Variants in PVT1 observed in about 807,000 individuals in gnomAD.
The protein encoded by PVT1 is CXCR4/PVT1 fusion.
chr8:127,890,106 A>G (rs893131697), intron 2 of PVT1, among the ~76,000 whole-genome samples: 11 of 152,196 alleles, frequency 7.2e-5, no homozygotes, highest in African/African-American at 2.7e-4. Flanking sequence ...AGTGCAGGAC[A>G]AGGCCTGGAG....
chr8:127,832,640 C>G (rs191327386), intron 2 of PVT1, among the ~76,000 whole-genome samples: 1 of 152,070 alleles, frequency 6.6e-6, no homozygotes, highest in Non-Finnish European at 1.5e-5. Flanking sequence ...GGGCGGATCA[C>G]GAGGTCAGGA....
At chr8:127,975,040 A>T (rs1026482446) in intron 3 of PVT1, among the ~76,000 whole-genome samples, 1 of 152,218 alleles carries the variant, frequency 6.6e-6, no homozygotes, top group African/African-American at 2.4e-5. Flanking sequence ...CATCAAGTGG[A>T]CAAGTCATAT....
intron 4 of PVT1, among the ~76,000 whole-genome samples, chr8:128,003,347 T>G (rs1817207125): frequency 6.9e-6 from 1 of 145,772 alleles, no homozygotes; most frequent in Non-Finnish European, 1.5e-5. Flanking sequence ...CCCTCCCTTC[T>G]CCTCCTTCTC....
intron 4 of PVT1, among the ~76,000 whole-genome samples, chr8:128,038,261 G>T (rs16902580): frequency 2.0e-5 from 3 of 152,112 alleles, no homozygotes; most frequent in African/African-American, 2.4e-5. Context: ...TTGATGGAAG[G>T]TTTCTTTGAG....
intron 3 of PVT1, among the ~76,000 whole-genome samples, chr8:127,956,929 C>CTA (rs1816577287): frequency 6.6e-6 from 1 of 152,026 alleles, no homozygotes; most frequent in Non-Finnish European, 1.5e-5. Flanking sequence ...TGTCATAGGC[C>CTA]TCATTATTAT....
At chr8:128,032,006 G>A (rs910775249) in intron 4 of PVT1, among the ~76,000 whole-genome samples, 4 of 152,170 alleles carry the variant, frequency 2.6e-5, no homozygotes, top group Admixed American at 6.5e-5. Flanking sequence ...CAGCGATGGC[G>A]GTGGTGAAAG....
intron 2 of PVT1, among the ~76,000 whole-genome samples, chr8:127,873,678 G>A (rs1291905609): frequency 6.6e-6 from 1 of 152,200 alleles, no homozygotes; most frequent in East Asian, 1.9e-4. Flanking sequence ...GGTGTACACA[G>A]TATGCAATGG....
chr8:127,972,706 T>C (rs1816778046), intron 3 of PVT1, among the ~76,000 whole-genome samples: 1 of 152,070 alleles, frequency 6.6e-6, no homozygotes, highest in African/African-American at 2.4e-5. Flanking sequence ...GCTATTGCAC[T>C]CTACCCTGGG....
chr8:127,981,881 G>A (rs1056728805), intron 3 of PVT1, among the ~76,000 whole-genome samples: 2 of 152,196 alleles, frequency 1.3e-5, no homozygotes, highest in African/African-American at 4.8e-5. Context: ...AAGGCTGTCT[G>A]ACCACACCTG....
chr8:127,937,580 C>CACACAGAGAGAGAGAGAGAG (rs59006608), intron 3 of PVT1, among the ~76,000 whole-genome samples: 1 of 107,794 alleles, frequency 9.3e-6, no homozygotes, highest in African/African-American at 3.7e-5. Context: ...CACACACACA[C>CACACAGAGAGAGAGAGAGAG]AGAGAGAGAG....
At chr8:128,043,701 G>A (rs896602696) in intron 4 of PVT1, among the ~76,000 whole-genome samples, 1 of 151,698 alleles carries the variant, frequency 6.6e-6, no homozygotes, top group Admixed American at 6.6e-5. Context: ...AGATCTTTGT[G>A]TGTCCGTATG....
At chr8:127,853,985 C>T (rs1815133530) in intron 2 of PVT1, among the ~76,000 whole-genome samples, 1 of 152,126 alleles carries the variant, frequency 6.6e-6, no homozygotes, top group African/African-American at 2.4e-5. Context: ...TTTTCTCTTC[C>T]CGGCTCCTCT....
intron 5 of PVT1, among the ~76,000 whole-genome samples, chr8:128,092,107 C>T (rs1353685369): frequency 6.6e-6 from 1 of 152,104 alleles, no homozygotes. Flanking sequence ...CCCAGCTGAC[C>T]CTCCCAGTGC....
intron 3 of PVT1, among the ~76,000 whole-genome samples, chr8:127,942,980 C>T (rs1271240378): frequency 2.6e-5 from 4 of 152,224 alleles, no homozygotes; most frequent in African/African-American, 9.6e-5. Flanking sequence ...CTCAGGGCCT[C>T]CTCTCCAAGT....
chr8:127,837,422 T>G (rs1405188088), intron 2 of PVT1, among the ~76,000 whole-genome samples: 1 of 151,264 alleles, frequency 6.6e-6, no homozygotes, highest in African/African-American at 2.4e-5. Flanking sequence ...TACCGGAAAT[T>G]AAGGGGAAAT....
intron 4 of PVT1, among the ~76,000 whole-genome samples, chr8:128,032,523 C>T (rs1451324411): frequency 6.6e-6 from 1 of 152,190 alleles, no homozygotes; most frequent in African/African-American, 2.4e-5. Flanking sequence ...CTGGGATATG[C>T]ATATTATATT....
chr8:127,974,376 T>C (rs988103459), intron 3 of PVT1, among the ~76,000 whole-genome samples: 1 of 152,062 alleles, frequency 6.6e-6, no homozygotes, highest in African/African-American at 2.4e-5. Flanking sequence ...ATTGAAGTTT[T>C]CCCAAAAAAA....
intron 4 of PVT1, among the ~76,000 whole-genome samples, chr8:128,021,112 A>G (rs1177256899): frequency 6.6e-6 from 1 of 151,788 alleles, no homozygotes; most frequent in Non-Finnish European, 1.5e-5. Context: ...CCATCCTTCA[A>G]ACTGCCTCCA....
intron 3 of PVT1, among the ~76,000 whole-genome samples, chr8:127,935,073 T>A (rs1212153450): frequency 6.6e-6 from 1 of 152,132 alleles, no homozygotes; most frequent in African/African-American, 2.4e-5. Flanking sequence ...TTCAAGCCAT[T>A]CTCCTGCCTC....
Sources: allele counts gnomAD v4.1 joint callset (sites outside exome capture counted in the v4.1 genomes callset), GRCh38; gene constraint gnomAD v4.1.1; transcripts MANE v1.5; gene names NCBI Gene and HGNC (gene_info 2026-07-23, HGNC 2026-07-21).